HELZ: variants seen among roughly 807,000 people sequenced by gnomAD.
HELZ encodes the protein ATP-dependent RNA helicase with zinc finger domain.
A neutral mutation model predicts 218.2 loss-of-function variants in HELZ; 23 were observed. That is an observed-to-expected ratio of 0.11 (90% CI 0.08 to 0.15). The LOEUF is 0.15. Ranked by LOEUF, HELZ falls within the 10% of genes least tolerant of loss-of-function variation. HELZ has a pLI of 1.00. For missense variants in HELZ, 1,813 were observed against 2,353.7 expected (o/e 0.77, Z 4.75); for synonymous variants, 814 against 829.4 (o/e 0.98, Z 0.32).
chr17:67,099,956 ACT>A (rs2036872865), intron 31 of HELZ, among the ~76,000 whole-genome samples: 1 of 152,218 alleles, frequency 6.6e-6, no homozygotes, highest in Non-Finnish European at 1.5e-5. Flanking sequence ...TTTGCTGATC[ACT>A]GTTACATGCA....
intron 12 of HELZ, among the ~76,000 whole-genome samples, chr17:67,181,313 T>A (rs534048549): frequency 2.2e-4 from 34 of 152,302 alleles, no homozygotes; most frequent in African/African-American, 8.2e-4. Flanking sequence ...TGACAGAGCT[T>A]TCCCTGGAAA....
intron 21 of HELZ, among the ~76,000 whole-genome samples, chr17:67,143,787 GAC>G (rs2038409267): frequency 6.6e-6 from 1 of 152,110 alleles, no homozygotes; most frequent in African/African-American, 2.4e-5. Context: ...TGTGAAAGAA[GAC>G]ACAATTTCAA....
intron 2 of HELZ, among the ~76,000 whole-genome samples, chr17:67,241,198 A>T (rs1465474491): frequency 6.6e-6 from 1 of 152,246 alleles, no homozygotes; most frequent in Non-Finnish European, 1.5e-5. Flanking sequence ...ATCTGCATGT[A>T]TATTCACCTA....
At position 67,094,333 on chromosome 17, in the gene HELZ, A is replaced by AGAGAGAGAGAGAG. The variant is rs1555597035; in HGVS notation, c.5242-7253_5242-7252insCTCTCTCTCTCTC. ...GGAGACCTGGTCTTGAAAAAAAAAAAAGAGAGAGAGAGAGAGAGAGATACA... is the reference window on the plus strand; with the variant it reads ...GGAGACCTGGTCTTGAAAAAAAAAAAGAGAGAGAGAGAGAGAGAGAGAGAGAGAGAGAGATACA... On this transcript the variant is annotated intron_variant, in intron 31 of 32. Coordinates refer to ENST00000358691, the MANE Select transcript of HELZ (RefSeq NM_014877.4). Among the ~76,000 whole-genome samples, 20 of 146,564 alleles carry AGAGAGAGAGAGAG rather than the reference A, an allele frequency of 1.4e-4. 1 individual carries two copies. Among genetic ancestry groups the AGAGAGAGAGAGAG allele is most frequent in the African/African-American group, 5.3e-4 (20 of 37,948 alleles).
At chr17:67,242,095 T>G (rs1411527198) in intron 2 of HELZ, among the ~76,000 whole-genome samples, 1 of 152,196 alleles carries the variant, frequency 6.6e-6, no homozygotes, top group Non-Finnish European at 1.5e-5. Flanking sequence ...ACTGGCTCCT[T>G]TCCACAAAAT....
At chr17:67,151,245 T>C in intron 17 of HELZ, 21 bp from the exon 18 acceptor site, 1 of 1,576,516 alleles carries the variant, frequency 6.3e-7, no homozygotes, top group Non-Finnish European at 8.7e-7. Context: ...AGAAAATATT[T>C]CTGATTTACA....
Position 67,151,171 on chromosome 17 carries a change from T to C in HELZ, c.2231A>G (p.Tyr744Cys). Residue 744 changes from tyrosine (Y) to cysteine (C), a missense_variant, in exon 18 of 33, where the codon TAC becomes TGC. Physicochemically the swap from Tyr to Cys is radical, Grantham distance 194 (BLOSUM62 -2). Transcript: ENST00000358691. ...VKTVHPVVHQ[Y>C]CLISSAHSTF... ...GGAATGTGCGCTTGAGATCAAACAG[T>C]ACTGATGCACAACTGGGTGGACAGT... 6.2e-7 allele frequency: 1 copy of C among 1,613,992 alleles called. No individual in the cohort carries two copies. Among genetic ancestry groups the C allele is most frequent in the Non-Finnish European group, 8.5e-7 (1 of 1,179,876 alleles).
At chr17:67,182,000 G>A (rs2039625573) in intron 12 of HELZ, among the ~76,000 whole-genome samples, 3 of 83,048 alleles carry the variant, frequency 3.6e-5, no homozygotes, top group East Asian at 2.0e-3. Flanking sequence ...GGGGACACTG[G>A]GCATGACTCC....
At chr17:67,153,351 A>T (rs573484204) in intron 17 of HELZ, among the ~76,000 whole-genome samples, 2 of 152,188 alleles carry the variant, frequency 1.3e-5, no homozygotes, top group African/African-American at 4.8e-5. Flanking sequence ...GAAAGTAGTT[A>T]CTAAGGAGAT....
intron 15 of HELZ, among the ~76,000 whole-genome samples, chr17:67,163,542 G>C (rs534722613): frequency 2.6e-5 from 4 of 151,938 alleles, no homozygotes; most frequent in African/African-American, 9.7e-5. Context: ...GGGACTACAG[G>C]TGCCCACCAC....
At chr17:67,166,950 A>C (rs745976404) in intron 14 of HELZ, among the ~76,000 whole-genome samples, 3 of 152,186 alleles carry the variant, frequency 2.0e-5, no homozygotes, top group Non-Finnish European at 4.4e-5. Flanking sequence ...CCATGAAAAT[A>C]CTTTTGCAAA....
intron 5 of HELZ, among the ~76,000 whole-genome samples, chr17:67,204,276 G>A (rs918929536): frequency 6.6e-6 from 1 of 151,972 alleles, no homozygotes; most frequent in Non-Finnish European, 1.5e-5. Context: ...TTTTTGTTAT[G>A]AATATATCTT....
upstream of HELZ, chr17:67,245,949 G>C (rs908958776): frequency 1.1e-4 from 16 of 152,366 alleles, no homozygotes; most frequent in African/African-American, 3.9e-4. Context: ...TCCGGGCTGC[G>C]GACTGTGACT....
At position 67,108,695 on chromosome 17, in the gene HELZ, T is replaced by G; in HGVS notation, c.4521A>C (p.Thr1507=). The change falls in exon 30 of 33, where the codon ACA becomes ACC. Residue 1507 remains threonine (T), a synonymous_variant. Transcript: ENST00000358691. The surrounding 1 kb of genome is among the most constrained non-coding windows in gnomAD (Gnocchi z 4.1). ...GGAACCGTGCCTGCTGCTGCCTTAA[T>G]GTTTCCAGAGCGACACTCCCATGTA... ...DRIHGSVALE[T]LRQQQARFQQ... 5 of 1,613,034 alleles carry G rather than the reference T, an allele frequency of 3.1e-6. No homozygotes were observed. The highest frequency in any genetic ancestry group is 3.4e-6 in the Non-Finnish European group (4 of 1,179,118).
In HELZ at chr17:67,123,815, C is replaced by CCGTGTGTGTG. The variant is rs148790310; in HGVS notation, c.3439+147_3439+148insCACACACACG. On this transcript the variant is annotated intron_variant, in intron 25 of 32. Coordinates refer to ENST00000358691, the MANE Select transcript of HELZ (RefSeq NM_014877.4). Reference sequence around the variant, plus strand: ...AAAAAATTGAGAGGTTCCAAAGTGACTGTGTGTGTGTGTGTGTGTGTGTGT... The same window carrying CCGTGTGTGTG: ...AAAAAATTGAGAGGTTCCAAAGTGACCGTGTGTGTGTGTGTGTGTGTGTGTGTGTGTGTGT... The CCGTGTGTGTG allele has an allele frequency of 7.5e-6, 4 of 534,966 alleles. No homozygotes were observed. The East Asian group carries it at 1.4e-4, about 19-fold the overall frequency. 33.1% of individuals were successfully genotyped at this position (534,966 alleles called of 1,614,324 possible). A position where few individuals can be genotyped will look rare whatever the true frequency, so the allele number is the denominator to read the frequency against.
intron 26 of HELZ, among the ~76,000 whole-genome samples, chr17:67,122,367 A>G (rs891252016): frequency 6.6e-6 from 1 of 152,166 alleles, no homozygotes; most frequent in Admixed American, 6.5e-5. Context: ...AACATGGTGA[A>G]ACCCCGCGTC....
chr17:67,162,657 T>A (rs1031915830), intron 15 of HELZ, among the ~76,000 whole-genome samples: 1 of 152,026 alleles, frequency 6.6e-6, no homozygotes, highest in African/African-American at 2.4e-5. Flanking sequence ...CCAATTCTGA[T>A]CAATTAGATG....
intron 17 of HELZ, among the ~76,000 whole-genome samples, chr17:67,153,600 A>T (rs182226185): frequency 1.8e-3 from 277 of 152,286 alleles, no homozygotes; most frequent in African/African-American, 5.9e-3. Context: ...CTTCTTAAGG[A>T]TTTGGGGAAA....
intron 31 of HELZ, among the ~76,000 whole-genome samples, chr17:67,095,024 C>T (rs2036700137): frequency 6.6e-6 from 1 of 152,120 alleles, no homozygotes; most frequent in African/African-American, 2.4e-5. Context: ...AAAAGATTTC[C>T]TTATAGCACA....
Sources: allele counts gnomAD v4.1 joint callset (sites outside exome capture counted in the v4.1 genomes callset), GRCh38; gene constraint gnomAD v4.1.1; non-coding constraint Gnocchi (gnomAD v3.1); transcripts MANE v1.5; gene names NCBI Gene and HGNC (gene_info 2026-07-23, HGNC 2026-07-21).